Variants in CFAP144 observed in about 807,000 individuals in gnomAD.
CFAP144 encodes cilia- and flagella-associated protein 144.
chr1:43,152,220 A>T, the CFAP144 span, among the ~76,000 whole-genome samples: 2 of 152,104 alleles, frequency 1.3e-5, no homozygotes, highest in African/African-American at 4.8e-5. Context: ...GGAGCTGCAA[A>T]TCCATCTGTT....
At chr1:43,154,509 T>C in the CFAP144 span, among the ~76,000 whole-genome samples, 1 of 150,838 alleles carries the variant, frequency 6.6e-6, no homozygotes, top group Admixed American at 6.6e-5. Flanking sequence ...CTGGAGAAGA[T>C]AACTACTCAA....
the CFAP144 span, among the ~76,000 whole-genome samples, chr1:43,149,152 T>G: frequency 6.6e-6 from 1 of 152,184 alleles, no homozygotes; most frequent in East Asian, 1.9e-4. Flanking sequence ...GACAATTAGA[T>G]CACATCAATC....
chr1:43,152,507 C>T, the CFAP144 span, among the ~76,000 whole-genome samples: 6 of 152,148 alleles, frequency 3.9e-5, no homozygotes, highest in South Asian at 6.2e-4. Context: ...TCCCTGTCTG[C>T]CACCATCACG....
chr1:43,154,915 A>T, the CFAP144 span, among the ~76,000 whole-genome samples: 1 of 152,218 alleles, frequency 6.6e-6, no homozygotes, highest in Non-Finnish European at 1.5e-5. Flanking sequence ...ATTTCCACCT[A>T]ATAGGGTGCT....
the CFAP144 span, among the ~76,000 whole-genome samples, chr1:43,154,163 ATTC>A: frequency 7.4e-6 from 1 of 135,258 alleles, no homozygotes; most frequent in Non-Finnish European, 1.6e-5. Flanking sequence ...CTCTTTTTAT[ATTC>A]TTTTTATTTA....
At chr1:43,153,531 C>T in the CFAP144 span, among the ~76,000 whole-genome samples, 1 of 152,092 alleles carries the variant, frequency 6.6e-6, no homozygotes, top group East Asian at 1.9e-4. Context: ...ATCACTTGAA[C>T]CCAGGAGGCG....
the CFAP144 span, chr1:43,148,128 C>A: frequency 1.3e-6 from 2 of 1,591,504 alleles, no homozygotes; most frequent in African/African-American, 1.3e-5. Flanking sequence ...AGCGGGAGGG[C>A]GCCGGGGAAG....
chr1:43,146,482 A>ATCATATG, the CFAP144 span, among the ~76,000 whole-genome samples: 2 of 152,332 alleles, frequency 1.3e-5, no homozygotes, highest in South Asian at 4.1e-4. Context: ...ATGAAAATTA[A>ATCATATG]GAAGCAATAA....
the CFAP144 span, among the ~76,000 whole-genome samples, chr1:43,151,367 G>A: frequency 6.6e-6 from 1 of 152,202 alleles, no homozygotes; most frequent in Non-Finnish European, 1.5e-5. Context: ...GGGCTGGGTG[G>A]AGGGATCTCA....
chr1:43,153,557 C>T, the CFAP144 span, among the ~76,000 whole-genome samples: 4 of 151,192 alleles, frequency 2.6e-5, no homozygotes, highest in Non-Finnish European at 5.9e-5. Context: ...TGCAGTGGGC[C>T]GAGATCACGC....
chr1:43,155,494 G>T, the CFAP144 span, among the ~76,000 whole-genome samples: 1 of 152,216 alleles, frequency 6.6e-6, no homozygotes, highest in Admixed American at 6.5e-5. Context: ...CAGAGGGTCT[G>T]CAAATATTCC....
At chr1:43,148,489 C>T in the CFAP144 span, among the ~76,000 whole-genome samples, 1 of 152,090 alleles carries the variant, frequency 6.6e-6, no homozygotes, top group Non-Finnish European at 1.5e-5. Flanking sequence ...ATAAAACATC[C>T]CTACCCTCCA....
chr1:43,156,164 A>G, the CFAP144 span: 3 of 1,576,096 alleles, frequency 1.9e-6, no homozygotes, highest in Non-Finnish European at 1.7e-6. Flanking sequence ...GTCCTCCTGC[A>G]TCCTCACAGG....
chr1:43,148,200 C>A, the CFAP144 span: 2 of 1,053,322 alleles, frequency 1.9e-6, no homozygotes. Context: ...TCCCCAGCAC[C>A]CGCCCCCTTT....
chr1:43,156,174 G>C, the CFAP144 span: 1 of 1,595,594 alleles, frequency 6.3e-7, no homozygotes. Context: ...ATCCTCACAG[G>C]CTTCTTTCTG....
chr1:43,154,193 T>A, the CFAP144 span, among the ~76,000 whole-genome samples: 5 of 138,942 alleles, frequency 3.6e-5, no homozygotes, highest in African/African-American at 1.4e-4. Flanking sequence ...TAAATATATA[T>A]AAATAAAATT....
At chr1:43,152,700 A>G in the CFAP144 span, 1 of 1,002,350 alleles carries the variant, frequency 1.0e-6, no homozygotes, top group Middle Eastern at 3.3e-4. Flanking sequence ...CCTGGTCTTG[A>G]GGCTGAGGCA....
chr1:43,156,102 G>C, the CFAP144 span: 2 of 906,196 alleles, frequency 2.2e-6, no homozygotes, highest in East Asian at 4.8e-5. Context: ...TGCAGCCACA[G>C]GCTGGGAGGG....
chr1:43,156,202 C>T, the CFAP144 span: 6 of 1,613,536 alleles, frequency 3.7e-6, no homozygotes, highest in Non-Finnish European at 5.1e-6. Context: ...ATCCTCCTTT[C>T]TAGATCAACC....
Sources: allele counts gnomAD v4.1 joint callset (sites outside exome capture counted in the v4.1 genomes callset), GRCh38; gene constraint gnomAD v4.1.1; transcripts MANE v1.5; gene names NCBI Gene and HGNC (gene_info 2026-07-23, HGNC 2026-07-21).